Variants in PJA1 observed in about 807,000 individuals in gnomAD.
PJA1 encodes E3 ubiquitin-protein ligase Praja-1.
PJA1 carries 5 observed loss-of-function variants against 14.1 expected under a neutral mutation model. The observed-to-expected ratio is 0.35, with a 90% CI of 0.18 to 0.74. The LOEUF (loss-of-function observed/expected upper bound fraction) is 0.74, where lower values mean the gene tolerates loss of function less well. Ranked by LOEUF, PJA1 falls within the 30% of genes least tolerant of loss-of-function variation. PJA1 has a pLI of 0.56. For missense variants in PJA1, 394 were observed against 482.6 expected (o/e 0.82, Z 1.72); for synonymous variants, 174 against 190.9 (o/e 0.91, Z 0.73).
chrX:69,164,259 C>T (rs1925184857), intron 1 of PJA1, among the ~76,000 whole-genome samples: 1 of 108,335 alleles, frequency 9.2e-6, no homozygotes, highest in Non-Finnish European at 1.9e-5. Context: ...GGTTGTGTCC[C>T]CGTAGAAGGA....
intron 1 of PJA1, among the ~76,000 whole-genome samples, chrX:69,164,152 C>T (rs767240051): frequency 7.3e-5 from 8 of 108,996 alleles, no homozygotes; most frequent in Non-Finnish European, 1.1e-4. Context: ...GTGGGGGGTG[C>T]GCAGCACTGG....
intron 1 of PJA1, among the ~76,000 whole-genome samples, chrX:69,163,915 G>A (rs1379511808): frequency 9.1e-6 from 1 of 110,329 alleles, no homozygotes; most frequent in Non-Finnish European, 1.9e-5. Flanking sequence ...AGGGGTGCGT[G>A]TATGTATGAG....
In PJA1 at chrX:69,161,981, C is replaced by T. The variant is rs772473232; in HGVS notation, c.1093G>A (p.Gly365Ser). The T allele has an allele frequency of 1.3e-5, 16 of 1,207,581 alleles. No homozygotes were observed. The highest frequency in any genetic ancestry group is 5.3e-5 in the South Asian group (3 of 56,512). The change falls in exon 2 of 2, where the codon GGT becomes AGT. Residue 365 changes from glycine (G) to serine (S), a missense_variant. Coordinates refer to ENST00000374571, the MANE Select transcript of PJA1 (RefSeq NM_001032396.4). ...SASTGTSPGP[G>S]ASASAGAGAG... ...CCAGCCCCGGCACTGGCACTAGCAC[C>T]GGGGCCAGGGCTGGTGCCAGTGCTG...
In PJA1 at chrX:69,162,036, CTCT is replaced by C. The variant is rs761927791; in HGVS notation, c.1035_1037del (p.Glu346del). On this transcript the variant is annotated inframe_deletion, in exon 2 of 2. Coordinates refer to ENST00000374571, the MANE Select transcript of PJA1 (RefSeq NM_001032396.4). ...TCACCTTAGCCTGTGGAGGTTCCCG[CTCT>C]TCTTTCCCCGGCAGAGTCTCCCAGC... is the stretch of plus-strand genomic sequence containing the variant. 5 of 1,208,594 alleles carry C rather than the reference CTCT, an allele frequency of 4.1e-6. No homozygotes were observed. The East Asian group carries it at 1.5e-4, about 36-fold the overall frequency.
Position 69,162,803 on chromosome X carries a change from A to G in PJA1, c.271T>C (p.Phe91Leu), listed in dbSNP as rs1308801854. ...RPPVRGKTGK[F>L]KDDKLYDPEK... is the part of the protein sequence containing the mutation. ...GGGTCATACAGCTTATCATCTTTAA[A>G]CTTGCCAGTTTTCCCTCTCACTGGC... is the stretch of plus-strand genomic sequence containing the variant. Residue 91 changes from phenylalanine (F) to leucine (L), a missense_variant, in exon 2 of 2, where the codon TTT (phenylalanine) becomes CTT (leucine). Phe to Leu is a conservative substitution (Grantham distance 22). Transcript: ENST00000374571. 8.3e-7 allele frequency: 1 copy of G among 1,208,882 alleles called. No homozygotes were observed. The highest frequency in any genetic ancestry group is 1.1e-6 in the Non-Finnish European group (1 of 894,944).
In PJA1 at chrX:69,161,929, C is replaced by G. The variant is rs200654774; in HGVS notation, c.1145G>C (p.Gly382Ala). ...TCGAACTTCTTCAAGGTAATTGCTG[C>G]CATTGCTGCCAGCACTGGCCCCGGC... ...AGAGASAGSN[G>A]SNYLEEVREP... Residue 382 changes from glycine to alanine, a missense_variant, in exon 2 of 2, where the codon GGC (glycine) becomes GCC (alanine). Around this residue, in one of 2 missense-constraint regions of PJA1, gnomAD observed 378 missense variants for 439.3 expected, o/e 0.86. Coordinates refer to ENST00000374571, the MANE Select transcript of PJA1 (RefSeq NM_001032396.4). 5.3e-5 allele frequency: 64 copies of G among 1,207,911 alleles called. No homozygotes were observed. In the African/African-American group the frequency reaches 8.5e-4, roughly 16 times the overall value.
Position 69,161,379 on chromosome X carries a change from C to T in PJA1, c.1695G>A (p.Pro565=). The part of the protein sequence containing the change: ...ELPCHHYFHK[P]CVSIWLQKSG... ...ACTTCTGAAGCCAGATGGACACACA[C>T]GGCTTGTGGAAATAGTGGTGGCACG... Residue 565 remains proline (P), a synonymous_variant, in exon 2 of 2, where the codon CCG becomes CCA. Coordinates refer to ENST00000374571, the MANE Select transcript of PJA1 (RefSeq NM_001032396.4). The T allele has an allele frequency of 2.5e-6, 3 of 1,207,591 alleles. No individual in the cohort carries two copies. The highest frequency in any genetic ancestry group is 1.8e-5 in the South Asian group (1 of 55,970).
rs778088653 is a variant in PJA1, at chrX:69,161,318, G to A, written c.1756C>T (p.Pro586Ser). Reference protein sequence around the residue: ...TCPVCRCMFPPPL With the variant: ...TCPVCRCMFPSPL ...AACGGCCTTGGTCTTTAGAGTGGGG[G>A]AGGGAACATGCAGCGGCACACGGGG... Residue 586 changes from proline (P) to serine (S), a missense_variant, in exon 2 of 2, where the codon CCC becomes TCC. Around this residue, in one of 2 missense-constraint regions of PJA1, gnomAD observed 16 missense variants for 43.3 expected, o/e 0.37. Coordinates refer to ENST00000374571, the MANE Select transcript of PJA1 (RefSeq NM_001032396.4). 4 of 1,171,318 alleles carry A rather than the reference G, an allele frequency of 3.4e-6. No individual in the cohort carries two copies. The East Asian group carries it at 1.2e-4, about 35-fold the overall frequency.
At position 69,163,013 on chromosome X, in the gene PJA1, G is replaced by T; in HGVS notation, c.61C>A (p.Arg21Ser). The T allele has an allele frequency of 8.3e-7, 1 of 1,211,182 alleles. No individual in the cohort carries two copies. The change falls in exon 2 of 2, where the codon CGT becomes AGT. Residue 21 changes from arginine (R) to serine (S), a missense_variant. Transcript: ENST00000374571. ...KRSRSPFSTT[R>S]RSWDDSESSG... is the part of the protein sequence containing the mutation. ...CTCTCGCTGTCGTCCCAACTACGAC[G>T]AGTAGTGGAAAATGGCGATCGGCTC...
At position 69,162,510 on chromosome X, in the gene PJA1, A is replaced by C. The variant is rs772526376; in HGVS notation, c.564T>G (p.Gly188=). ...PSRAPVSICG[G]GENTSKSAEE... is the part of the protein sequence containing the mutation. ...CTGCACTCTTTGAGGTGTTTTCCCCACCACCACAAATACTCACAGGAGCCC... is the reference window on the plus strand; with the variant it reads ...CTGCACTCTTTGAGGTGTTTTCCCCCCCACCACAAATACTCACAGGAGCCC... Residue 188 remains glycine (G), a synonymous_variant, in exon 2 of 2, where the codon GGT becomes GGG. Transcript: ENST00000374571. 1.7e-6 allele frequency: 2 copies of C among 1,209,592 alleles called. No individual in the cohort carries two copies. Among genetic ancestry groups the C allele is most frequent in the South Asian group, 1.8e-5 (1 of 56,724 alleles).
In PJA1 at chrX:69,163,122, G is replaced by T. The variant is rs201419954; in HGVS notation, c.-49C>A. 5.8e-6 allele frequency: 7 copies of T among 1,210,928 alleles called. No homozygotes were observed. In the South Asian group the frequency reaches 8.8e-5, roughly 15 times the overall value. On this transcript the variant is annotated 5_prime_UTR_variant, in exon 2 of 2. Coordinates refer to ENST00000374571, the MANE Select transcript of PJA1 (RefSeq NM_001032396.4). ...TCTGGCTGGCAATCCTTTCCCGCTG[G>T]CTCGTGGGTGGCCTGAAACTGACAT...
Position 69,162,852 on chromosome X carries a change from C to T in PJA1, c.222G>A (p.Glu74=). Residue 74 remains glutamate, a synonymous_variant, in exon 2 of 2, where the codon GAG becomes GAA. Transcript: ENST00000374571. ...GCGGTCGCTCAACAGGCCCAGCCCC[C>T]TCCTCCTCACTATCATCTGCCCCAT... ...DSYGADDSEE[E]GAGPVERPPV... is the part of the protein sequence containing the mutation. 1 of 1,211,668 alleles carries T rather than the reference C, an allele frequency of 8.3e-7. No homozygotes were observed.
chrX:69,160,971 A>C lies in PJA1; in HGVS notation c.*336T>G. On this transcript the variant is annotated 3_prime_UTR_variant, in exon 2 of 2. Transcript: ENST00000374571. Reference sequence around the variant, plus strand: ...TGCCTTTTGGACATATTTAACAGATAAACTTGACATTACAAGTAACAGCAA... The same window carrying C: ...TGCCTTTTGGACATATTTAACAGATCAACTTGACATTACAAGTAACAGCAA... 5.0e-6 allele frequency: 1 copy of C among 200,011 alleles called. No homozygotes were observed. The highest frequency in any genetic ancestry group is 9.1e-6 in the Non-Finnish European group (1 of 109,794). The allele number at this position is 200,011 out of a possible 1,213,427, so 16.5% of individuals were successfully genotyped here. A position where few individuals can be genotyped will look rare whatever the true frequency, so the allele number is the denominator to read the frequency against.
intron 1 of PJA1, among the ~76,000 whole-genome samples, chrX:69,164,432 T>A (rs1311831406): frequency 9.2e-6 from 1 of 108,944 alleles, no homozygotes; most frequent in Non-Finnish European, 1.9e-5. Context: ...AAGGATGTCC[T>A]TATGTGTGTA....
At position 69,161,477 on chromosome X, in the gene PJA1, C is replaced by T. The variant is rs766207691; in HGVS notation, c.1597G>A (p.Ala533Thr). 37 of 1,209,983 alleles carry T rather than the reference C, an allele frequency of 3.1e-5. No individual in the cohort carries two copies. In the Admixed American group the frequency reaches 6.5e-4, roughly 21 times the overall value. ...GGGCAGCACATCTCCTGACCAACTGCGCCATGATCTTCAGTGACCAGGATC... is the reference window on the plus strand; with the variant it reads ...GGGCAGCACATCTCCTGACCAACTGTGCCATGATCTTCAGTGACCAGGATC... The part of the protein sequence containing the change: ...PEILVTEDHG[A>T]VGQEMCCPIC... The change falls in exon 2 of 2, where the codon GCA becomes ACA. Residue 533 changes from alanine (A) to threonine (T), a missense_variant. This residue lies in a region of PJA1 where 378 missense variants were observed against 439.3 expected (regional missense o/e 0.86). Transcript: ENST00000374571.
Position 69,163,307 on chromosome X carries a change from G to A in PJA1, c.-67-167C>T, listed in dbSNP as rs962494114. 40 of 1,061,635 alleles carry A rather than the reference G, an allele frequency of 3.8e-5. No individual in the cohort carries two copies. In the Admixed American group the frequency reaches 1.2e-3, roughly 32 times the overall value. 87.5% of individuals were successfully genotyped at this position (1,061,635 alleles called of 1,213,427 possible). The stretch of plus-strand genomic sequence containing the variant: ...AGGAGGGCTCCTGCTCCCTGCACAC[G>A]TTTTTGAGATGGGAAAGTAAAATCA... On this transcript the variant is annotated intron_variant, in intron 1 of 1. Coordinates refer to ENST00000374571, the MANE Select transcript of PJA1 (RefSeq NM_001032396.4).
In PJA1 at chrX:69,162,382, C is replaced by A. The variant is rs769856405; in HGVS notation, c.692G>T (p.Ser231Ile). Residue 231 changes from serine (S) to isoleucine (I), a missense_variant, in exon 2 of 2, where the codon AGT (serine) becomes ATT (isoleucine). Coordinates refer to ENST00000374571, the MANE Select transcript of PJA1 (RefSeq NM_001032396.4). ...GGCGGTATCCCTCCACCTGGAAGTA[C>A]TGTGTGGCATATCGTCATCATCATC... Reference protein sequence around the residue: ...DTDDDDDMPHSTSRWRDTAND... With the variant: ...DTDDDDDMPHITSRWRDTAND... 8.3e-7 allele frequency: 1 copy of A among 1,208,794 alleles called. No individual in the cohort carries two copies. Among genetic ancestry groups the A allele is most frequent in the African/African-American group, 1.8e-5 (1 of 56,680 alleles).
Position 69,162,075 on chromosome X carries a change from G to A in PJA1, c.999C>T (p.Ser333=), listed in dbSNP as rs1195116253. The change falls in exon 2 of 2, where the codon TCC becomes TCT. Residue 333 remains serine, a synonymous_variant. Coordinates refer to ENST00000374571, the MANE Select transcript of PJA1 (RefSeq NM_001032396.4). ...KYRSREQTLS[S]SGESWETLPG... ...GCAGAGTCTCCCAGCTTTCGCCACT[G>A]GAGGACAGGGTTTGCTCTCGGCTTC... 1 of 1,211,292 alleles carries A rather than the reference G, an allele frequency of 8.3e-7. No individual in the cohort carries two copies. The highest frequency in any genetic ancestry group is 1.1e-6 in the Non-Finnish European group (1 of 895,360).
In PJA1 at chrX:69,163,568, C is replaced by T. The variant is rs188473541; in HGVS notation, c.-67-428G>A. 13 of 238,865 alleles carry T rather than the reference C, an allele frequency of 5.4e-5. No homozygotes were observed. The East Asian group carries it at 7.2e-4, about 13-fold the overall frequency. 19.7% of individuals were successfully genotyped at this position (238,865 alleles called of 1,213,427 possible). On this transcript the variant is annotated intron_variant, in intron 1 of 1. Coordinates refer to ENST00000374571, the MANE Select transcript of PJA1 (RefSeq NM_001032396.4). ...GACGGAAGGTTGGGGGGTGACTGGA[C>T]GCTTGGAAGGTGGGTGAAGTACTGT...
Sources: allele counts gnomAD v4.1 joint callset (sites outside exome capture counted in the v4.1 genomes callset), GRCh38; gene constraint gnomAD v4.1.1; regional missense constraint gnomAD v4.1.1; transcripts MANE v1.5; gene names NCBI Gene and HGNC (gene_info 2026-07-23, HGNC 2026-07-21).